The following SYT14 variants were observed in gnomAD, a reference collection of about 807,000 sequenced individuals.
SYT14 encodes the protein synaptotagmin-14.
SYT14 carries 32 observed loss-of-function variants against 74.2 expected under a neutral mutation model. The ratio of observed to expected loss-of-function variants is 0.43; its 90% CI spans 0.33 to 0.58. The LOEUF (loss-of-function observed/expected upper bound fraction) is 0.58. Ranked by LOEUF, SYT14 falls within the 20% of genes least tolerant of loss-of-function variation. The pLI, the probability that SYT14 is intolerant of heterozygous loss-of-function variation, is 0.05. For synonymous variants in SYT14, 298 were observed against 337.7 expected (o/e 0.88, Z 1.29); for missense variants, 791 against 981.8 (o/e 0.81, Z 2.60).
chr1:210,153,142 C>A (rs1024455806), intron 7 of SYT14, among the ~76,000 whole-genome samples: 6 of 152,078 alleles, frequency 3.9e-5, no homozygotes, highest in Admixed American at 1.3e-4. Context: ...GTGGAACTGC[C>A]AGATCATAGG....
chr1:209,999,708 CATAGAG>C (rs1237365063), intron 2 of SYT14, among the ~76,000 whole-genome samples: 1 of 152,028 alleles, frequency 6.6e-6, no homozygotes, highest in African/African-American at 2.4e-5. Context: ...AAGTGGATCT[CATAGAG>C]GTAGAGAGTA....
intron 2 of SYT14, among the ~76,000 whole-genome samples, chr1:209,985,335 A>G (rs958525101): frequency 1.3e-5 from 2 of 152,240 alleles, no homozygotes; most frequent in African/African-American, 2.4e-5. Context: ...TTCAAAACGC[A>G]TCAGGGCAGT....
In SYT14 at chr1:210,101,385, G is replaced by T. The variant is rs569351456; in HGVS notation, c.2034+924G>T. On this transcript the variant is annotated intron_variant, in intron 7 of 9. Coordinates refer to ENST00000637265, the Ensembl canonical transcript of SYT14. Reference sequence around the variant, plus strand: ...AGTGTTGTTTTGAGCTTTTAAATGTGTAAGCTTCGGTCCAAGTAGTTTAGG... The same window carrying T: ...AGTGTTGTTTTGAGCTTTTAAATGTTTAAGCTTCGGTCCAAGTAGTTTAGG... Among the ~76,000 whole-genome samples, 85 of 152,168 alleles carry T rather than the reference G, an allele frequency of 5.6e-4. 3 individuals are homozygous for T. The East Asian group carries it at 0.011, about 20-fold the overall frequency.
chr1:210,108,358 T>C (rs887965483), intron 7 of SYT14, among the ~76,000 whole-genome samples: 4 of 152,308 alleles, frequency 2.6e-5, no homozygotes, highest in African/African-American at 9.6e-5. Flanking sequence ...CAGATGTTGA[T>C]GATGGAAAGA....
chr1:210,005,739 T>G (rs1254463006), intron 2 of SYT14, among the ~76,000 whole-genome samples: 1 of 151,960 alleles, frequency 6.6e-6, no homozygotes, highest in African/African-American at 2.4e-5. Context: ...AAGAAAAGTC[T>G]CTGCCAGAGA....
chr1:210,170,122 A>G (rs537299531), exon 10 of SYT14: 2 of 152,286 alleles, frequency 1.3e-5, no homozygotes, highest in South Asian at 4.1e-4. Context: ...CAACTGAAGA[A>G]ATACACTGCT....
chr1:210,114,861 G>A lies in SYT14; in HGVS notation c.2034+14400G>A, dbSNP rs192252982. Among the ~76,000 whole-genome samples the A allele has an allele frequency of 8.6e-5, 13 of 151,046 alleles. No homozygotes were observed. In the East Asian group the frequency reaches 2.5e-3, roughly 29 times the overall value. ...TGAGGAAGAATTGGGACCTGGCTCG[G>A]CCTAGCAAGGAGCAGCCTGGGGAGG... On this transcript the variant is annotated intron_variant, in intron 7 of 9. Transcript: ENST00000637265.
intron 5 of SYT14, among the ~76,000 whole-genome samples, chr1:210,047,132 C>A (rs933767003): frequency 2.0e-5 from 3 of 151,572 alleles, no homozygotes; most frequent in African/African-American, 4.8e-5. Context: ...TTATATAGTC[C>A]TTTTAAACCG....
At position 210,163,446 on chromosome 1, in the gene SYT14, G is replaced by A. The variant is rs569255710; in HGVS notation, c.*2404G>A. ...AAGATTATAAATTATCTATATGAGT[G>A]TATGTATCTGTATACACACATGCAC... On this transcript the variant is annotated 3_prime_UTR_variant, in exon 10 of 10. Coordinates refer to ENST00000637265, the Ensembl canonical transcript of SYT14. The A allele has an allele frequency of 3.1e-5, 14 of 453,716 alleles. 1 individual carries two copies. Among genetic ancestry groups the A allele is most frequent in the South Asian group, 1.9e-4 (12 of 64,458 alleles). The allele number at this position is 453,716 out of a possible 1,614,324, so 28.1% of individuals were successfully genotyped here.
rs78196522 is a variant in SYT14 at position 210,124,413 on chromosome 1, A to G, written c.2034+23952A>G. 3.0e-3 allele frequency among the ~76,000 whole-genome samples: 452 copies of G among 152,280 alleles called. 12 individuals carry two copies. In the East Asian group the frequency reaches 0.06, roughly 20 times the overall value. Reference sequence around the variant, plus strand: ...AAGAAAACAGAGGGGAGGAAGTTGTATTAAAAATACAAGGCAATGTGCCAA... The same window carrying G: ...AAGAAAACAGAGGGGAGGAAGTTGTGTTAAAAATACAAGGCAATGTGCCAA... On this transcript the variant is annotated intron_variant, in intron 7 of 9. Transcript: ENST00000637265.
At chr1:210,169,235 T>TTTTTTTTTTTTTTTTTTTTTTG (rs2083494432) in exon 10 of SYT14, 1 of 139,748 alleles carries the variant, frequency 7.2e-6, no homozygotes, top group South Asian at 2.4e-4. Flanking sequence ...TTTTTTTTTT[T>TTTTTTTTTTTTTTTTTTTTTTG]TTTTTTTTTT....
intron 5 of SYT14, among the ~76,000 whole-genome samples, chr1:210,026,617 C>T (rs2080417994): frequency 6.7e-6 from 1 of 149,378 alleles, no homozygotes. Context: ...CACACACACA[C>T]ACACACACAC....
intron 5 of SYT14, among the ~76,000 whole-genome samples, chr1:210,041,431 T>G (rs1162000127): frequency 2.0e-5 from 3 of 152,240 alleles, no homozygotes; most frequent in Admixed American, 2.0e-4. Context: ...TTAATTTGAT[T>G]ATTAGTTAAA....
chr1:209,986,549 CT>C (rs1289148281), intron 2 of SYT14, among the ~76,000 whole-genome samples: 1 of 151,720 alleles, frequency 6.6e-6, no homozygotes, highest in African/African-American at 2.4e-5. Context: ...GGAGGTGGAG[CT>C]TGCAGTGAGC....
chr1:210,026,710 A>T (rs1250918837), intron 5 of SYT14, among the ~76,000 whole-genome samples: 1 of 151,660 alleles, frequency 6.6e-6, no homozygotes, highest in Non-Finnish European at 1.5e-5. Flanking sequence ...TAATTTTGTT[A>T]TCTTAAAATT....
At chr1:210,143,743 TC>T (rs2082970079) in intron 7 of SYT14, among the ~76,000 whole-genome samples, 1 of 152,172 alleles carries the variant, frequency 6.6e-6, no homozygotes, top group African/African-American at 2.4e-5. Context: ...ATAGTGTAGT[TC>T]ATGGCTTTTC....
intron 1 of SYT14, among the ~76,000 whole-genome samples, chr1:209,943,974 A>AT (rs2078780643): frequency 6.6e-6 from 1 of 150,744 alleles, no homozygotes; most frequent in Non-Finnish European, 1.5e-5. Flanking sequence ...GGAAGCTGTT[A>AT]TTAGGAGTTT....
chr1:210,125,692 A>C (rs1298565441), intron 7 of SYT14, among the ~76,000 whole-genome samples: 1 of 152,140 alleles, frequency 6.6e-6, no homozygotes, highest in Non-Finnish European at 1.5e-5. Context: ...TAAAATACCC[A>C]AAGTGATTTC....
chr1:210,086,682 AG>A (rs1447349412), intron 5 of SYT14, among the ~76,000 whole-genome samples: 1 of 152,148 alleles, frequency 6.6e-6, no homozygotes, highest in East Asian at 1.9e-4. Flanking sequence ...ACTGCTGTTG[AG>A]GTGGTGGTGG....
Sources: gnomAD v4.1 joint callset for allele counts (sites outside exome capture counted in the v4.1 genomes callset) on GRCh38, gnomAD v4.1.1 for gene constraint, MANE v1.5 for transcripts, NCBI Gene and HGNC (gene_info 2026-07-23, HGNC 2026-07-21) for gene names.